STAG1: variants seen among roughly 807,000 people sequenced by gnomAD.
STAG1 encodes the protein cohesin subunit SA-1.
STAG1 carries 26 observed loss-of-function variants against 170.9 expected under a neutral mutation model. The ratio of observed to expected loss-of-function variants is 0.15; its 90% CI spans 0.11 to 0.21. The LOEUF is 0.21. STAG1 is among the 10% of genes least tolerant of loss of function. The pLI is 1.00. For synonymous variants in STAG1, 514 were observed against 497.7 expected, an observed-to-expected ratio of 1.03 and a Z score of -0.44; for missense variants, 964 against 1,509.5, an observed-to-expected ratio of 0.64 and a Z score of 5.99.
At chr3:136,692,157 T>C (rs1268193932) in intron 1 of STAG1, among the ~76,000 whole-genome samples, 3 of 141,602 alleles carry the variant, frequency 2.1e-5, no homozygotes, top group East Asian at 2.1e-4. Context: ...TCTACAAAAA[T>C]AGAAAAATTA....
intron 1 of STAG1, among the ~76,000 whole-genome samples, chr3:136,668,924 T>C (rs1405088827): frequency 3.3e-5 from 5 of 152,196 alleles, no homozygotes; most frequent in African/African-American, 4.8e-5. Context: ...TTAAAAATAT[T>C]AGAGGTCAGT....
intron 6 of STAG1, among the ~76,000 whole-genome samples, chr3:136,532,894 C>T (rs1461084128): frequency 6.6e-6 from 1 of 152,080 alleles, no homozygotes; most frequent in Non-Finnish European, 1.5e-5. Flanking sequence ...TCTTATTCAA[C>T]ATGGTACTGG....
chr3:136,463,731 G>A (rs1466528779), intron 13 of STAG1, among the ~76,000 whole-genome samples: 33 of 71,008 alleles, frequency 4.6e-4, no homozygotes, highest in African/African-American at 1.7e-3. Flanking sequence ...AAAAAAATGT[G>A]TATATGTGTG....
chr3:136,556,848 G>T lies in STAG1; in HGVS notation c.394+11917C>A, dbSNP rs1259273235. Reference sequence around the variant, plus strand: ...TTCACCCACCTCAACCTCCCAAAGTGTTGGGATTACAGGTACGAGCCACTG... The same window carrying T: ...TTCACCCACCTCAACCTCCCAAAGTTTTGGGATTACAGGTACGAGCCACTG... On this transcript the variant is annotated intron_variant, in intron 5 of 33. Transcript: ENST00000383202. Among the ~76,000 whole-genome samples, 3 of 152,014 alleles carry T rather than the reference G, an allele frequency of 2.0e-5. No homozygotes were observed. The East Asian group carries it at 5.8e-4, about 29-fold the overall frequency.
intron 1 of STAG1, among the ~76,000 whole-genome samples, chr3:136,735,104 A>C (rs1420375631): frequency 7.4e-5 from 11 of 148,666 alleles, no homozygotes; most frequent in Admixed American, 2.0e-4. Flanking sequence ...TTCCTACCCT[A>C]TCTCTCCCTC....
At chr3:136,468,102 G>C (rs915808293) in intron 12 of STAG1, among the ~76,000 whole-genome samples, 1 of 152,126 alleles carries the variant, frequency 6.6e-6, no homozygotes, top group Admixed American at 6.6e-5. Flanking sequence ...AAGAACTAGA[G>C]AAGGAAGAGC....
chr3:136,623,069 A>G, intron 3 of STAG1, 77 bp downstream of exon 3: 2 of 1,242,016 alleles, frequency 1.6e-6, no homozygotes, highest in South Asian at 1.4e-5. Flanking sequence ...CCATACTAGC[A>G]CTAGAATTAA....
At position 136,608,797 on chromosome 3, in the gene STAG1, CAAAAAAAA is replaced by C. The variant is rs34993713; in HGVS notation, c.133-4332_133-4325del. Among the ~76,000 whole-genome samples, 5 of 79,198 alleles carry C rather than the reference CAAAAAAAA, an allele frequency of 6.3e-5. No individual in the cohort carries two copies. In the East Asian group the frequency reaches 2.6e-3, roughly 41 times the overall value. 52.0% of individuals were successfully genotyped at this position (79,198 alleles called of 152,430 possible). A position where few individuals can be genotyped will look rare whatever the true frequency, so the allele number is the denominator to read the frequency against. Reference sequence around the variant, plus strand: ...CCTGAATGACAGCGAGACCCTATCTCAAAAAAAAAAAAAAAAAAAAAAGAACTAGACAC... The same window carrying C: ...CCTGAATGACAGCGAGACCCTATCTCAAAAAAAAAAAAAAGAACTAGACAC... On this transcript the variant is annotated intron_variant, in intron 3 of 33. Transcript: ENST00000383202.
intron 10 of STAG1, among the ~76,000 whole-genome samples, chr3:136,475,332 A>T (rs2089722447): frequency 6.6e-6 from 1 of 151,644 alleles, no homozygotes; most frequent in African/African-American, 2.4e-5. Context: ...TTTTTAGTAG[A>T]GACAGGGTTT....
At chr3:136,466,034 T>C (rs1476248053) in intron 12 of STAG1, among the ~76,000 whole-genome samples, 2 of 152,010 alleles carry the variant, frequency 1.3e-5, no homozygotes, top group Non-Finnish European at 2.9e-5. Context: ...CAAAGGTAGA[T>C]AAAACCACAA....
At chr3:136,400,876 G>C (rs2087304575) in intron 21 of STAG1, among the ~76,000 whole-genome samples, 1 of 152,132 alleles carries the variant, frequency 6.6e-6, no homozygotes. Flanking sequence ...ATTAAGAGTA[G>C]CACTGTTTTA....
chr3:136,672,336 T>C (rs906422271), intron 1 of STAG1, among the ~76,000 whole-genome samples: 7 of 152,146 alleles, frequency 4.6e-5, no homozygotes, highest in Admixed American at 2.0e-4. Flanking sequence ...AAACCTTAAA[T>C]TGAAAAAGTG....
intron 5 of STAG1, among the ~76,000 whole-genome samples, chr3:136,563,534 A>G (rs1183209401): frequency 6.6e-6 from 1 of 150,886 alleles, no homozygotes; most frequent in Non-Finnish European, 1.5e-5. Flanking sequence ...ACGCACGCAC[A>G]AACTCTCTCT....
chr3:136,403,485 G>A (rs1226006063), intron 21 of STAG1, among the ~76,000 whole-genome samples: 2 of 151,832 alleles, frequency 1.3e-5, no homozygotes, highest in East Asian at 3.9e-4. Context: ...ATGTTCAATG[G>A]TCCTGAGATA....
chr3:136,632,898 CT>C (rs1940388032), intron 1 of STAG1, among the ~76,000 whole-genome samples: 1 of 152,042 alleles, frequency 6.6e-6, no homozygotes, highest in African/African-American at 2.4e-5. Flanking sequence ...GGGTTTTTCC[CT>C]CTTTTGGGTG....
At chr3:136,469,101 A>G (rs544138264) in intron 12 of STAG1, among the ~76,000 whole-genome samples, 114 of 151,932 alleles carry the variant, frequency 7.5e-4, no homozygotes, top group Middle Eastern at 3.4e-3. Flanking sequence ...CTCTCTCACC[A>G]CTCCTATTCA....
intron 6 of STAG1, among the ~76,000 whole-genome samples, chr3:136,525,464 C>T (rs546403509): frequency 3.9e-5 from 6 of 151,914 alleles, no homozygotes; most frequent in African/African-American, 1.2e-4. Context: ...TTTTTTATTG[C>T]GTCTATTTGA....
Position 136,422,496 on chromosome 3 carries a change from G to C in STAG1, c.1951C>G (p.Gln651Glu). Residue 651 changes from glutamine to glutamate, a missense_variant, in exon 19 of 34, where the codon CAG becomes GAG. Gln to Glu is a conservative substitution (Grantham distance 29). Coordinates refer to ENST00000383202, the MANE Select transcript of STAG1 (RefSeq NM_005862.3). Reference protein sequence around the residue: ...SILCSEEYTIQNRVDIARSQL... With the variant: ...SILCSEEYTIENRVDIARSQL... ...CTTCGAGCTATGTCAACTCTGTTCTGGATGGTATATTCTTCACTGCATAAG... is the reference window on the plus strand; with the variant it reads ...CTTCGAGCTATGTCAACTCTGTTCTCGATGGTATATTCTTCACTGCATAAG... 1 of 1,614,000 alleles carries C rather than the reference G, an allele frequency of 6.2e-7. No homozygotes were observed. Among genetic ancestry groups the C allele is most frequent in the Non-Finnish European group, 8.5e-7 (1 of 1,179,966 alleles).
chr3:136,667,009 C>T (rs973198312), intron 1 of STAG1, among the ~76,000 whole-genome samples: 2 of 152,038 alleles, frequency 1.3e-5, no homozygotes, highest in Non-Finnish European at 2.9e-5. Flanking sequence ...AACCAAACCA[C>T]TCACTTCTGG....
Sources: gnomAD v4.1 joint callset for allele counts (sites outside exome capture counted in the v4.1 genomes callset) on GRCh38, gnomAD v4.1.1 for gene constraint, MANE v1.5 for transcripts, NCBI Gene and HGNC (gene_info 2026-07-23, HGNC 2026-07-21) for gene names.